CARD8: variants seen among roughly 807,000 people sequenced by gnomAD.
CARD8 encodes the protein caspase recruitment domain-containing protein 8.
CARD8 carries 38 observed loss-of-function variants against 53.2 expected under a neutral mutation model. That is an observed-to-expected ratio of 0.71 (90% CI 0.55 to 0.94). The LOEUF (loss-of-function observed/expected upper bound fraction) is 0.94. Ranked by LOEUF, CARD8 falls within the 40% of genes least tolerant of loss-of-function variation. The pLI, the probability that CARD8 is intolerant of heterozygous loss-of-function variation, is 0.00. For synonymous variants in CARD8, 245 were observed against 244.9 expected, an observed-to-expected ratio of 1.00 and a Z score of 0.00; for missense variants, 561 against 655.5, an observed-to-expected ratio of 0.86 and a Z score of 1.57.
At chr19:48,241,993 C>T (rs968285976) in intron 3 of CARD8, among the ~76,000 whole-genome samples, 1 of 152,150 alleles carries the variant, frequency 6.6e-6, no homozygotes, top group Non-Finnish European at 1.5e-5. Flanking sequence ...CCCCATTCCC[C>T]ACAGGCACGC....
intron 4 of CARD8, among the ~76,000 whole-genome samples, chr19:48,239,900 T>C (rs781209004): frequency 2.0e-5 from 3 of 152,098 alleles, no homozygotes; most frequent in Non-Finnish European, 2.9e-5. Context: ...TGCTCCTGAT[T>C]CATAGAGGGC....
At chr19:48,220,424 A>G (rs550216221) in intron 11 of CARD8, among the ~76,000 whole-genome samples, 64 of 151,538 alleles carry the variant, frequency 4.2e-4, no homozygotes, top group Admixed American at 7.3e-4. Context: ...GTCCGCAAAC[A>G]GGAAAAAGCC....
chr19:48,239,515 G>A (rs71357810), intron 4 of CARD8, among the ~76,000 whole-genome samples: 44,856 of 140,458 alleles, frequency 0.32, 7,144 homozygotes, highest in East Asian at 0.5. Context: ...CACTGTTGTC[G>A]CCCAGGCTGG....
downstream of CARD8, among the ~76,000 whole-genome samples, chr19:48,207,200 C>T (rs893377556): frequency 4.0e-5 from 5 of 125,420 alleles, no homozygotes; most frequent in Admixed American, 2.3e-4. Context: ...AAAAAAAAAA[C>T]CATGCTGAAT....
At chr19:48,207,761 A>T, downstream of CARD8, among the ~76,000 whole-genome samples, 1 of 40,160 alleles carries the variant, frequency 2.5e-5, no homozygotes, top group African/African-American at 6.7e-5. Flanking sequence ...TTTGAGACAG[A>T]ATGAGACTCT....
chr19:48,244,896 C>A (rs1040613552), intron 3 of CARD8, among the ~76,000 whole-genome samples: 2 of 152,052 alleles, frequency 1.3e-5, no homozygotes, highest in African/African-American at 4.8e-5. Flanking sequence ...AAAACTCCAC[C>A]CACAATTCCT....
intron 10 of CARD8, among the ~76,000 whole-genome samples, chr19:48,226,481 T>C (rs932423913): frequency 6.6e-6 from 1 of 152,166 alleles, no homozygotes; most frequent in Non-Finnish European, 1.5e-5. Context: ...TGCCTCGGCC[T>C]CCCAAAGTGC....
intron 4 of CARD8, among the ~76,000 whole-genome samples, chr19:48,239,947 A>G (rs2044655006): frequency 6.6e-6 from 1 of 152,156 alleles, no homozygotes; most frequent in African/African-American, 2.4e-5. Context: ...GGAAAGAGAA[A>G]GGAGCTCTCC....
chr19:48,239,027 C>A (rs2044450997), intron 4 of CARD8, among the ~76,000 whole-genome samples: 2 of 152,206 alleles, frequency 1.3e-5, no homozygotes, highest in African/African-American at 2.4e-5. Flanking sequence ...TGAAAGGATA[C>A]TGTGTTTTTG....
At chr19:48,239,428 T>C (rs921492403) in intron 4 of CARD8, among the ~76,000 whole-genome samples, 6 of 151,656 alleles carry the variant, frequency 4.0e-5, no homozygotes, top group African/African-American at 1.2e-4. Context: ...TCCTAGTCCG[T>C]GGTCTTTTAT....
intron 4 of CARD8, among the ~76,000 whole-genome samples, chr19:48,240,153 T>C (rs2044697772): frequency 6.6e-6 from 1 of 152,234 alleles, no homozygotes; most frequent in African/African-American, 2.4e-5. Context: ...CAGATTAATT[T>C]GTTTTGAGTT....
chr19:48,252,175 ACTTT>A (rs1351604925), intron 1 of CARD8, among the ~76,000 whole-genome samples: 1 of 152,020 alleles, frequency 6.6e-6, no homozygotes, highest in Non-Finnish European at 1.5e-5. Context: ...CAAACCCCAT[ACTTT>A]CTTCTGCAGC....
At chr19:48,238,295 C>T in intron 5 of CARD8, 88 bp downstream of exon 5, 1 of 1,457,850 alleles carries the variant, frequency 6.9e-7, no homozygotes, top group Non-Finnish European at 9.0e-7. Context: ...AAATAACCTG[C>T]ATGTCTTTGC....
chr19:48,230,923 A>G lies in CARD8; in HGVS notation c.626T>C (p.Ile209Thr), dbSNP rs1365766874. Residue 209 changes from isoleucine to threonine, a missense_variant, in exon 9 of 14, where the codon ATT becomes ACT. Ile to Thr is a moderately conservative substitution (Grantham distance 89, BLOSUM62 -1). Transcript: ENST00000651546. ...FLVRDEVTVT[I>T]AFGSWSQHLA... ...GTGCTGACTCCAGGAACCAAACGCA[A>G]TCGTCACTGTGACCTCATCCCTTAC... The G allele has an allele frequency of 1.2e-6, 2 of 1,614,056 alleles. No homozygotes were observed. Among genetic ancestry groups the G allele is most frequent in the Admixed American group, 1.7e-5 (1 of 59,994 alleles).
downstream of CARD8, chr19:48,203,673 C>CCAGTGCCTAGAA (rs1210220207): frequency 6.5e-6 from 1 of 152,876 alleles, no homozygotes; most frequent in Non-Finnish European, 1.5e-5. Context: ...CATTGTATCC[C>CCAGTGCCTAGAA]CAGTGCCTAG....
At chr19:48,221,586 TATTTTTCTATA>T (rs1455958152) in intron 11 of CARD8, 133 bp downstream of exon 11, 11 of 512,234 alleles carry the variant, frequency 2.1e-5, no homozygotes, top group African/African-American at 3.8e-5. Flanking sequence ...TGATTAATAC[TATTTTTCTATA>T]ATTTCAATTT....
Position 48,209,724 on chromosome 19 carries a change from G to A in CARD8, c.*1986C>T, listed in dbSNP as rs1339040035. ...ACATGTAAGAGGTTTCCATTTAAAA[G>A]AATTCCACTATTCATCAAAATTTTC... On this transcript the variant is annotated 3_prime_UTR_variant, in exon 14 of 14. Transcript: ENST00000651546. 1 of 152,266 alleles carries A rather than the reference G, an allele frequency of 6.6e-6. No homozygotes were observed. The highest frequency in any genetic ancestry group is 2.4e-5 in the African/African-American group (1 of 41,438). The allele number at this position is 152,266 out of a possible 1,614,324, so 9.4% of individuals were successfully genotyped here. A position where few individuals can be genotyped will look rare whatever the true frequency, so the allele number is the denominator to read the frequency against.
intron 12 of CARD8, among the ~76,000 whole-genome samples, chr19:48,216,960 G>T (rs959626991): frequency 3.3e-5 from 5 of 151,988 alleles, no homozygotes; most frequent in Admixed American, 1.3e-4. Flanking sequence ...TTGTTTTCCT[G>T]CAACTAGGTG....
chr19:48,224,831 C>T (rs947135853), intron 10 of CARD8, among the ~76,000 whole-genome samples: 24 of 150,540 alleles, frequency 1.6e-4, no homozygotes, highest in African/African-American at 5.6e-4. Context: ...TCTCGGCTCA[C>T]TGAAGCTCCA....
Sources: allele counts gnomAD v4.1 joint callset (sites outside exome capture counted in the v4.1 genomes callset), GRCh38; gene constraint gnomAD v4.1.1; transcripts MANE v1.5; gene names NCBI Gene and HGNC (gene_info 2026-07-23, HGNC 2026-07-21).